PDSS2: variants seen among roughly 807,000 people sequenced by gnomAD.
PDSS2 encodes decaprenyl diphosphate synthase subunit 2.
A neutral mutation model predicts 44.5 loss-of-function variants in PDSS2; 31 were observed. The observed-to-expected ratio is 0.70, with a 90% CI of 0.52 to 0.94. The LOEUF (loss-of-function observed/expected upper bound fraction) is 0.94. Ranked by LOEUF, PDSS2 falls within the 40% of genes least tolerant of loss-of-function variation. The pLI, the probability that PDSS2 is intolerant of heterozygous loss-of-function variation, is 0.00. For synonymous variants in PDSS2, 157 were observed against 180.3 expected (o/e 0.87, Z 1.03); for missense variants, 452 against 482.2 (o/e 0.94, Z 0.59).
chr6:107,404,832 G>A (rs953896954), intron 1 of PDSS2, among the ~76,000 whole-genome samples: 6 of 151,906 alleles, frequency 3.9e-5, no homozygotes, highest in South Asian at 2.1e-4. Flanking sequence ...TGAGGGAGAG[G>A]AAAAAGAAAA....
At chr6:107,290,651 T>C (rs1029523421) in intron 2 of PDSS2, among the ~76,000 whole-genome samples, 1 of 152,196 alleles carries the variant, frequency 6.6e-6, no homozygotes, top group East Asian at 1.9e-4. Flanking sequence ...CCTTTGCCCT[T>C]TCCTCTATCT....
At chr6:107,215,232 A>G (rs1032515815) in intron 4 of PDSS2, among the ~76,000 whole-genome samples, 7 of 152,116 alleles carry the variant, frequency 4.6e-5, no homozygotes, top group Non-Finnish European at 8.8e-5. Context: ...AATGTCCAGA[A>G]TAAAATAGGA....
chr6:107,274,256 A>C (rs367593320), intron 2 of PDSS2, 29 bp from the exon 3 acceptor site: 420 of 1,533,250 alleles, frequency 2.7e-4, no homozygotes, highest in Non-Finnish European at 3.6e-4. Flanking sequence ...ATTTGTTAGA[A>C]TATCAAGAAC....
At chr6:107,268,969 C>T (rs1432124193) in intron 3 of PDSS2, among the ~76,000 whole-genome samples, 3 of 147,698 alleles carry the variant, frequency 2.0e-5, no homozygotes, top group Non-Finnish European at 3.0e-5. Context: ...TACGGAGTTT[C>T]GCTCTTGTTG....
intron 1 of PDSS2, among the ~76,000 whole-genome samples, chr6:107,416,479 G>A (rs1486266254): frequency 6.6e-6 from 1 of 152,168 alleles, no homozygotes; most frequent in Non-Finnish European, 1.5e-5. Context: ...AAATTAGAAT[G>A]TAATTAAAGT....
chr6:107,356,829 T>C (rs1452169310), intron 1 of PDSS2, among the ~76,000 whole-genome samples: 1 of 152,172 alleles, frequency 6.6e-6, no homozygotes, highest in Non-Finnish European at 1.5e-5. Context: ...GTTTCCACAT[T>C]TTTGGTTTGT....
chr6:107,437,753 T>C (rs1002517769), intron 1 of PDSS2, among the ~76,000 whole-genome samples: 2 of 152,100 alleles, frequency 1.3e-5, no homozygotes, highest in African/African-American at 2.4e-5. Flanking sequence ...TATAAGTAGA[T>C]AGATCTGCAC....
At chr6:107,436,819 T>C (rs767595165) in intron 1 of PDSS2, among the ~76,000 whole-genome samples, 17 of 152,226 alleles carry the variant, frequency 1.1e-4, no homozygotes, top group Non-Finnish European at 1.9e-4. Context: ...TATCAAAACA[T>C]CACTATGTAC....
chr6:107,336,823 GTGGTGTGTGT>G (rs1777908565), intron 1 of PDSS2, among the ~76,000 whole-genome samples: 1 of 131,256 alleles, frequency 7.6e-6, no homozygotes, highest in African/African-American at 2.9e-5. Context: ...AAAGAGGTGT[GTGGTGTGTGT>G]GTGTGTGTGT....
intron 7 of PDSS2, among the ~76,000 whole-genome samples, chr6:107,160,708 T>C (rs943138040): frequency 1.3e-5 from 2 of 151,526 alleles, no homozygotes. Flanking sequence ...AAGGAAATTG[T>C]AGGGAAAGAA....
chr6:107,228,256 T>C (rs1773901906), intron 4 of PDSS2, among the ~76,000 whole-genome samples: 1 of 152,226 alleles, frequency 6.6e-6, no homozygotes, highest in Middle Eastern at 3.2e-3. Flanking sequence ...CTAAGCTTTC[T>C]TAGTCACCAA....
intron 1 of PDSS2, among the ~76,000 whole-genome samples, chr6:107,360,189 C>G (rs1778725084): frequency 6.6e-6 from 1 of 152,146 alleles, no homozygotes; most frequent in Admixed American, 6.5e-5. Context: ...AATGTTAGAT[C>G]AAGGCGCAAA....
chr6:107,228,719 T>C (rs12202632), intron 4 of PDSS2, among the ~76,000 whole-genome samples: 13,174 of 135,276 alleles, frequency 0.097, 833 homozygotes, highest in African/African-American at 0.21. Flanking sequence ...AATAAATAAA[T>C]AAACAAACAA....
intron 1 of PDSS2, among the ~76,000 whole-genome samples, chr6:107,354,449 C>T (rs77054606): frequency 0.013 from 2,051 of 152,332 alleles, 44 homozygotes; most frequent in African/African-American, 0.045. Context: ...ATGTACACAG[C>T]GGCAGCTTTC....
At chr6:107,286,271 G>C (rs529996396) in intron 2 of PDSS2, among the ~76,000 whole-genome samples, 131 of 152,240 alleles carry the variant, frequency 8.6e-4, no homozygotes, top group African/African-American at 3.0e-3. Flanking sequence ...ACTTTGGGAG[G>C]CTGAGGTGGG....
chr6:107,288,822 C>T (rs1776247329), intron 2 of PDSS2, among the ~76,000 whole-genome samples: 2 of 133,522 alleles, frequency 1.5e-5, no homozygotes, highest in Admixed American at 8.3e-5. Flanking sequence ...TGCAGTGGTA[C>T]GATCTCGGCT....
rs186337959 is a variant in PDSS2, at chr6:107,423,414, A to C, written c.296+35576T>G. Among the ~76,000 whole-genome samples, 10 of 152,306 alleles carry C rather than the reference A, an allele frequency of 6.6e-5. 1 individual carries two copies. In the East Asian group the frequency reaches 1.9e-3, roughly 29 times the overall value. The stretch of plus-strand genomic sequence containing the variant: ...ATATAGGAAATAATTTCCTTTTTAC[A>C]TTGGTAACTTGTATCAATATCAGAA... On this transcript the variant is annotated intron_variant, in intron 1 of 7. Coordinates refer to ENST00000369037, the MANE Select transcript of PDSS2 (RefSeq NM_020381.4).
chr6:107,383,552 G>T (rs949380559), intron 1 of PDSS2, among the ~76,000 whole-genome samples: 1 of 151,878 alleles, frequency 6.6e-6, no homozygotes, highest in Non-Finnish European at 1.5e-5. Flanking sequence ...GAAAATATTT[G>T]CAAACCATGC....
chr6:107,220,825 T>A (rs1242102377), intron 4 of PDSS2, among the ~76,000 whole-genome samples: 1 of 152,186 alleles, frequency 6.6e-6, no homozygotes, highest in African/African-American at 2.4e-5. Context: ...TAAACATTAT[T>A]ACCTTTTATG....
Sources: gnomAD v4.1 joint callset for allele counts (sites outside exome capture counted in the v4.1 genomes callset) on GRCh38, gnomAD v4.1.1 for gene constraint, MANE v1.5 for transcripts, NCBI Gene and HGNC (gene_info 2026-07-23, HGNC 2026-07-21) for gene names.